Variants in HYCC2 observed in about 807,000 individuals in gnomAD.
HYCC2 encodes hyccin 2.
chr2:201,069,007 C>T, the HYCC2 span, among the ~76,000 whole-genome samples: 11 of 152,154 alleles, frequency 7.2e-5, no homozygotes, highest in African/African-American at 2.2e-4. Context: ...GAACAAGGAT[C>T]TCTAAGGGGA....
At chr2:201,043,434 A>T in the HYCC2 span, among the ~76,000 whole-genome samples, 473 of 144,586 alleles carry the variant, frequency 3.3e-3, 1 homozygote, top group African/African-American at 0.011. Context: ...ATAAATACTA[A>T]AAAAAAAAAA....
the HYCC2 span, among the ~76,000 whole-genome samples, chr2:200,991,455 G>A: frequency 2.0e-5 from 3 of 152,056 alleles, no homozygotes; most frequent in African/African-American, 7.2e-5. Context: ...TATAGTCCCA[G>A]CTACTCAGGA....
chr2:201,002,716 G>T, the HYCC2 span, among the ~76,000 whole-genome samples: 1 of 152,016 alleles, frequency 6.6e-6, no homozygotes, highest in Non-Finnish European at 1.5e-5. Flanking sequence ...AGTAGAGACG[G>T]GTTTCACTGT....
At chr2:200,977,292 G>C in the HYCC2 span, 1 of 152,102 alleles carries the variant, frequency 6.6e-6, no homozygotes, top group African/African-American at 2.4e-5. Flanking sequence ...TGGGAGACTG[G>C]GTTTGATTCT....
At chr2:200,994,826 C>T in the HYCC2 span, among the ~76,000 whole-genome samples, 1 of 151,928 alleles carries the variant, frequency 6.6e-6, no homozygotes, top group African/African-American at 2.4e-5. Flanking sequence ...CACGGTGAGA[C>T]CCCATCTCTA....
At chr2:200,988,874 T>G in the HYCC2 span, among the ~76,000 whole-genome samples, 1 of 152,234 alleles carries the variant, frequency 6.6e-6, no homozygotes, top group Non-Finnish European at 1.5e-5. Context: ...ACCTGGTAAT[T>G]GCCATTTGAC....
the HYCC2 span, chr2:201,067,263 C>G: frequency 6.1e-6 from 1 of 162,604 alleles, no homozygotes; most frequent in Non-Finnish European, 1.4e-5. Context: ...AAGAATCAAG[C>G]ACTATCAACA....
the HYCC2 span, among the ~76,000 whole-genome samples, chr2:201,043,266 C>T: frequency 1.3e-5 from 2 of 151,944 alleles, no homozygotes; most frequent in East Asian, 1.9e-4. Context: ...TCCCTAATCT[C>T]AACTACCCAG....
At chr2:201,050,222 A>AC in the HYCC2 span, among the ~76,000 whole-genome samples, 1 of 151,824 alleles carries the variant, frequency 6.6e-6, no homozygotes, top group Non-Finnish European at 1.5e-5. Context: ...TCAAAAAAAA[A>AC]AAAAATTCCC....
At chr2:201,017,884 G>C in the HYCC2 span, among the ~76,000 whole-genome samples, 1 of 152,106 alleles carries the variant, frequency 6.6e-6, no homozygotes. Context: ...ACTGCAATAT[G>C]AAATTTATTA....
At chr2:200,985,828 AG>A in the HYCC2 span, among the ~76,000 whole-genome samples, 1 of 152,226 alleles carries the variant, frequency 6.6e-6, no homozygotes, top group Non-Finnish European at 1.5e-5. Context: ...GATATTAAAA[AG>A]GAACTACTAT....
chr2:201,054,004 A>G, the HYCC2 span, among the ~76,000 whole-genome samples: 1 of 152,106 alleles, frequency 6.6e-6, no homozygotes. Flanking sequence ...ACAAACAAAC[A>G]AAAAACCCAG....
the HYCC2 span, among the ~76,000 whole-genome samples, chr2:201,010,823 A>T: frequency 2.0e-5 from 3 of 151,896 alleles, no homozygotes; most frequent in East Asian, 1.9e-4. Flanking sequence ...AGAATTTTTT[A>T]AAAATTCATA....
chr2:200,983,144 C>A, the HYCC2 span, among the ~76,000 whole-genome samples: 1 of 152,216 alleles, frequency 6.6e-6, no homozygotes, highest in Admixed American at 6.5e-5. Context: ...AAAGCCAATT[C>A]TCTTACTGAA....
At chr2:201,013,062 C>G in the HYCC2 span, among the ~76,000 whole-genome samples, 1 of 152,226 alleles carries the variant, frequency 6.6e-6, no homozygotes, top group Non-Finnish European at 1.5e-5. Context: ...GTCTATTTCC[C>G]TTACAACTCA....
the HYCC2 span, chr2:200,980,286 A>G: frequency 4.6e-5 from 7 of 152,538 alleles, no homozygotes; most frequent in African/African-American, 1.7e-4. Flanking sequence ...CTTTACCTGA[A>G]GATGTACTGT....
the HYCC2 span, among the ~76,000 whole-genome samples, chr2:200,995,393 C>T: frequency 1.3e-5 from 2 of 152,070 alleles, no homozygotes; most frequent in Non-Finnish European, 2.9e-5. Context: ...CACACTGTGT[C>T]ATGCCCTTCC....
the HYCC2 span, chr2:201,064,167 A>G: frequency 6.3e-6 from 5 of 798,124 alleles, no homozygotes; most frequent in Admixed American, 1.0e-4. Flanking sequence ...AGCTGCTACA[A>G]AGAAGACATG....
At chr2:201,031,766 T>C in the HYCC2 span, among the ~76,000 whole-genome samples, 2 of 152,242 alleles carry the variant, frequency 1.3e-5, no homozygotes, top group African/African-American at 4.8e-5. Context: ...TTTTAGAATA[T>C]GATATTAGAT....
Sources: allele counts gnomAD v4.1 joint callset (sites outside exome capture counted in the v4.1 genomes callset), GRCh38; gene constraint gnomAD v4.1.1; transcripts MANE v1.5; gene names NCBI Gene and HGNC (gene_info 2026-07-23, HGNC 2026-07-21).